The following DACH1 variants were observed in gnomAD, a reference collection of about 807,000 sequenced individuals.
DACH1 encodes dachshund homolog 1.
A neutral mutation model predicts 54.2 loss-of-function variants in DACH1; 12 were observed. The observed-to-expected ratio is 0.22, with a 90% CI of 0.14 to 0.36. The LOEUF (loss-of-function observed/expected upper bound fraction) is 0.36. DACH1 is among the 10% of genes least tolerant of loss of function. The pLI is 1.00. For missense variants in DACH1, 805 were observed against 929.8 expected, an observed-to-expected ratio of 0.87 and a Z score of 1.75; for synonymous variants, 386 against 366.2, an observed-to-expected ratio of 1.05 and a Z score of -0.62.
intron 1 of DACH1, among the ~76,000 whole-genome samples, chr13:71,685,938 T>C (rs1881136876): frequency 1.3e-5 from 2 of 151,982 alleles, no homozygotes; most frequent in African/African-American, 4.8e-5. Context: ...AAAAAGAAAA[T>C]ACTTAGAAAA....
At chr13:71,512,749 T>A (rs1880874942) in intron 6 of DACH1, among the ~76,000 whole-genome samples, 1 of 151,944 alleles carries the variant, frequency 6.6e-6, no homozygotes, top group Non-Finnish European at 1.5e-5. Context: ...CAATTTCAAA[T>A]ACATCCATAG....
At chr13:71,625,349 C>T (rs1010448241) in intron 3 of DACH1, among the ~76,000 whole-genome samples, 2 of 151,920 alleles carry the variant, frequency 1.3e-5, no homozygotes, top group African/African-American at 2.4e-5. Flanking sequence ...CTCAAGGTCT[C>T]CAAGAGTTTT....
intron 1 of DACH1, among the ~76,000 whole-genome samples, chr13:71,744,016 A>G (rs1884508015): frequency 6.6e-6 from 1 of 152,120 alleles, no homozygotes; most frequent in Non-Finnish European, 1.5e-5. Context: ...CCTCAATACC[A>G]CAGAGGACAG....
At chr13:71,449,749 G>C (rs1331867863) in intron 10 of DACH1, among the ~76,000 whole-genome samples, 1 of 152,086 alleles carries the variant, frequency 6.6e-6, no homozygotes, top group African/African-American at 2.4e-5. Flanking sequence ...TAAAGTTCTT[G>C]ATTGTGGCTA....
At chr13:71,770,746 T>G (rs919282188) in intron 1 of DACH1, among the ~76,000 whole-genome samples, 1 of 151,622 alleles carries the variant, frequency 6.6e-6, no homozygotes, top group African/African-American at 2.4e-5. Context: ...GAAACTGAAT[T>G]AACTAAATCT....
chr13:71,484,267 T>G (rs1878295923), intron 7 of DACH1, among the ~76,000 whole-genome samples: 1 of 152,086 alleles, frequency 6.6e-6, no homozygotes, highest in Admixed American at 6.5e-5. Context: ...GATCAAACCA[T>G]CCTCCTGCCT....
In DACH1 at chr13:71,795,902, T is replaced by G. The variant is rs1887027246; in HGVS notation, c.848+70020A>C. Reference sequence around the variant, plus strand: ...AGTAGGTGCTTAGGTGATAGATAATTATCAGAATGAATAATGTATAGCAAG... The same window carrying G: ...AGTAGGTGCTTAGGTGATAGATAATGATCAGAATGAATAATGTATAGCAAG... On this transcript the variant is annotated intron_variant, in intron 1 of 10. Coordinates refer to ENST00000613252, the MANE Select transcript of DACH1 (RefSeq NM_080759.6). Among the ~76,000 whole-genome samples the G allele has an allele frequency of 4.6e-5, 7 of 152,232 alleles. No individual in the cohort carries two copies. In the South Asian group the frequency reaches 1.5e-3, roughly 32 times the overall value.
intron 1 of DACH1, among the ~76,000 whole-genome samples, chr13:71,821,047 A>G (rs1431650907): frequency 2.6e-5 from 4 of 152,232 alleles, no homozygotes. Context: ...TGAGAAAGCC[A>G]GGACTAACCG....
At chr13:71,548,655 G>C (rs137869516) in intron 6 of DACH1, among the ~76,000 whole-genome samples, 146 of 152,178 alleles carry the variant, frequency 9.6e-4, no homozygotes, top group Middle Eastern at 3.4e-3. Flanking sequence ...TGGTGCTCAC[G>C]CCTGTAATCT....
intron 2 of DACH1, chr13:71,675,139 G>T (rs1049245629): frequency 7.6e-6 from 12 of 1,578,906 alleles, no homozygotes; most frequent in Admixed American, 1.7e-5. Flanking sequence ...TACAAAAGCC[G>T]CTCGCAAGAG....
chr13:71,529,640 C>CT (rs1318538448), intron 6 of DACH1, among the ~76,000 whole-genome samples: 1 of 152,120 alleles, frequency 6.6e-6, no homozygotes, highest in Admixed American at 6.6e-5. Context: ...TTTCAGATAA[C>CT]TTTTTCATAT....
rs980988085 is a variant in DACH1 at position 71,649,162 on chromosome 13, T to G, written c.965-18445A>C. 7.2e-5 allele frequency among the ~76,000 whole-genome samples: 11 copies of G among 152,144 alleles called. 1 individual carries two copies. The highest frequency in any genetic ancestry group is 3.3e-4 in the Admixed American group (5 of 15,272). On this transcript the variant is annotated intron_variant, in intron 2 of 10. Transcript: ENST00000613252. ...CCATTGTATTATTATTTCCTCACACTAGTTCAGTAATGTGCTGTATAGGTT... is the reference window on the plus strand; with the variant it reads ...CCATTGTATTATTATTTCCTCACACGAGTTCAGTAATGTGCTGTATAGGTT...
intron 6 of DACH1, among the ~76,000 whole-genome samples, chr13:71,552,832 TATATATATATAGAGAGAG>T (rs1345364743): frequency 8.5e-4 from 33 of 38,776 alleles, no homozygotes; most frequent in African/African-American, 2.5e-3. Context: ...TATATATATA[TATATATATATAGAGAGAG>T]AGAGAGAGAG....
At position 71,446,078 on chromosome 13, in the gene DACH1, T is replaced by C. The variant is rs1874432013; in HGVS notation, c.2084-5386A>G. ...AAAATGAGCGGCAAAAGAGAGATTA[T>C]TGGAATCCCTGGAGTGCGTCCATAG... On this transcript the variant is annotated intron_variant, in intron 10 of 10. Coordinates refer to ENST00000613252, the MANE Select transcript of DACH1 (RefSeq NM_080759.6). Among the ~76,000 whole-genome samples the C allele has an allele frequency of 2.6e-5, 4 of 152,298 alleles. No individual in the cohort carries two copies. The South Asian group carries it at 8.3e-4, about 32-fold the overall frequency.
At chr13:71,677,487 T>C (rs959814178) in intron 2 of DACH1, among the ~76,000 whole-genome samples, 51 of 152,282 alleles carry the variant, frequency 3.3e-4, no homozygotes, top group Middle Eastern at 3.4e-3. Flanking sequence ...CCACAAGCAA[T>C]CTCAAAGTTT....
In DACH1 at chr13:71,654,389, C is replaced by CAAAATAAAATAAAATAAAAT. The variant is rs540730866; in HGVS notation, c.965-23692_965-23673dup. 1.7e-3 allele frequency among the ~76,000 whole-genome samples: 100 copies of CAAAATAAAATAAAATAAAAT among 60,384 alleles called. 3 individuals carry two copies. Among genetic ancestry groups the CAAAATAAAATAAAATAAAAT allele is most frequent in the Non-Finnish European group, 2.6e-3 (78 of 30,404 alleles). The allele number at this position is 60,384 out of a possible 152,430, so 39.6% of individuals were successfully genotyped here. ...TGGGCGACAGAGTGAGACTCTGTCT[C>CAAAATAAAATAAAATAAAAT]AAAATAAAATAAAATAAAATAAAAT... is the stretch of plus-strand genomic sequence containing the variant. On this transcript the variant is annotated intron_variant, in intron 2 of 10. Coordinates refer to ENST00000613252, the MANE Select transcript of DACH1 (RefSeq NM_080759.6).
intron 1 of DACH1, among the ~76,000 whole-genome samples, chr13:71,823,438 G>C (rs1594266269): frequency 6.6e-6 from 1 of 152,016 alleles, no homozygotes; most frequent in African/African-American, 2.4e-5. Flanking sequence ...GCCTCATAAA[G>C]ACAAGTGATT....
intron 1 of DACH1, among the ~76,000 whole-genome samples, chr13:71,837,699 A>G (rs1292480682): frequency 8.3e-6 from 1 of 120,712 alleles, no homozygotes; most frequent in East Asian, 6.7e-4. Context: ...TCATGCTGCT[A>G]TAAAGACACA....
chr13:71,449,712 A>T (rs953669030), intron 10 of DACH1, among the ~76,000 whole-genome samples: 19 of 152,068 alleles, frequency 1.2e-4, no homozygotes, highest in East Asian at 5.8e-4. Context: ...ATCATTAAAA[A>T]TTTTTTTAAA....
Sources: gnomAD v4.1 joint callset for allele counts (sites outside exome capture counted in the v4.1 genomes callset) on GRCh38, gnomAD v4.1.1 for gene constraint, MANE v1.5 for transcripts, NCBI Gene and HGNC (gene_info 2026-07-23, HGNC 2026-07-21) for gene names.